CRACR2A: variants seen among roughly 807,000 people sequenced by gnomAD.
The protein encoded by CRACR2A is calcium release activated channel regulator 2A.
CRACR2A carries 79 observed loss-of-function variants against 90.5 expected under a neutral mutation model. That is an observed-to-expected ratio of 0.87 (90% CI 0.73 to 1.05). The LOEUF is 1.05. Ranked by LOEUF, CRACR2A falls within the 50% of genes least tolerant of loss-of-function variation. The probability of loss-of-function intolerance (pLI) is 0.00; values close to 1 mark genes in which losing one functional copy is unlikely to be tolerated. For synonymous variants in CRACR2A, 338 were observed against 356.7 expected (o/e 0.95, Z 0.59); for missense variants, 823 against 897.2 (o/e 0.92, Z 1.06).
intron 17 of CRACR2A, among the ~76,000 whole-genome samples, chr12:3,626,694 CA>C: frequency 6.6e-6 from 1 of 152,068 alleles, no homozygotes; most frequent in Non-Finnish European, 1.5e-5. Flanking sequence ...CGAGGCCTGG[CA>C]AAAAGCAATT....
intron 4 of CRACR2A, among the ~76,000 whole-genome samples, chr12:3,690,998 G>A (rs186305438): frequency 9.2e-5 from 14 of 151,990 alleles, no homozygotes; most frequent in Non-Finnish European, 1.9e-4. Flanking sequence ...TTTTCCATTC[G>A]CCTGCTAGAT....
intron 1 of CRACR2A, among the ~76,000 whole-genome samples, chr12:3,736,633 A>C (rs1455478864): frequency 6.6e-6 from 1 of 152,120 alleles, no homozygotes. Context: ...AAAAAAACTG[A>C]GGGCTGGAAT....
chr12:3,706,666 T>C (rs1057195018), intron 3 of CRACR2A, among the ~76,000 whole-genome samples: 1 of 152,182 alleles, frequency 6.6e-6, no homozygotes, highest in Non-Finnish European at 1.5e-5. Context: ...AGTGGCATGA[T>C]CTCAGCTCAC....
intron 13 of CRACR2A, among the ~76,000 whole-genome samples, chr12:3,640,154 T>C (rs1285597779): frequency 6.6e-6 from 1 of 152,244 alleles, no homozygotes; most frequent in African/African-American, 2.4e-5. Flanking sequence ...ACGGCATGAC[T>C]GAGTTCATTT....
chr12:3,673,163 G>C (rs945932266), intron 7 of CRACR2A, among the ~76,000 whole-genome samples: 8 of 152,206 alleles, frequency 5.3e-5, no homozygotes, highest in African/African-American at 1.9e-4. Flanking sequence ...GATAATAAAT[G>C]TGCAAAATGA....
intron 2 of CRACR2A, among the ~76,000 whole-genome samples, chr12:3,722,083 C>T (rs1946188702): frequency 6.6e-6 from 1 of 152,140 alleles, no homozygotes; most frequent in Non-Finnish European, 1.5e-5. Context: ...TACATGTCTA[C>T]CCCCATACAT....
chr12:3,629,774 C>A (rs1170667189), intron 15 of CRACR2A, among the ~76,000 whole-genome samples: 1 of 148,400 alleles, frequency 6.7e-6, no homozygotes, highest in Non-Finnish European at 1.5e-5. Context: ...TCTCTGCAGC[C>A]TCAGACAGGC....
At chr12:3,688,876 T>C (rs1383475684) in intron 4 of CRACR2A, among the ~76,000 whole-genome samples, 1 of 152,206 alleles carries the variant, frequency 6.6e-6, no homozygotes, top group South Asian at 2.1e-4. Context: ...GCAGTGTTTT[T>C]AGTTCTCCTT....
intron 4 of CRACR2A, among the ~76,000 whole-genome samples, chr12:3,685,755 G>A (rs185499461): frequency 6.6e-6 from 1 of 152,168 alleles, no homozygotes; most frequent in East Asian, 1.9e-4. Flanking sequence ...ATTGTTTTAC[G>A]GGTACAGAGT....
intron 2 of CRACR2A, among the ~76,000 whole-genome samples, chr12:3,714,173 G>A (rs936187693): frequency 1.2e-4 from 18 of 152,172 alleles, no homozygotes; most frequent in Non-Finnish European, 2.9e-5. Context: ...GTAACACAGC[G>A]CTCATGTTCA....
chr12:3,716,966 C>T (rs1206464506), intron 2 of CRACR2A, among the ~76,000 whole-genome samples: 1 of 152,052 alleles, frequency 6.6e-6, no homozygotes, highest in Non-Finnish European at 1.5e-5. Context: ...TTTTGGAAGA[C>T]GCTTTGTACA....
chr12:3,641,673 G>T, intron 13 of CRACR2A, 59 bp downstream of exon 13: 1 of 1,489,780 alleles, frequency 6.7e-7, no homozygotes. Flanking sequence ...TATGGGCCCA[G>T]AGCCAGCTCC....
At chr12:3,733,973 ATTTT>A (rs1166347439) in intron 1 of CRACR2A, among the ~76,000 whole-genome samples, 1 of 99,796 alleles carries the variant, frequency 1.0e-5, no homozygotes, top group South Asian at 3.6e-4. Context: ...ATTTTGCCTT[ATTTT>A]TTTTTTTTTT....
At chr12:3,650,442 T>C (rs1944774322) in intron 10 of CRACR2A, among the ~76,000 whole-genome samples, 1 of 152,172 alleles carries the variant, frequency 6.6e-6, no homozygotes, top group East Asian at 1.9e-4. Flanking sequence ...GAGATGCAAA[T>C]TCCTGACATT....
At position 3,749,334 on chromosome 12, in the gene CRACR2A, A is replaced by G. The variant is rs576885604; in HGVS notation, c.-387+3681T>C. On this transcript the variant is annotated intron_variant, in intron 1 of 19. Transcript: ENST00000440314. The stretch of plus-strand genomic sequence containing the variant: ...AGTGCCCGAGGTTGGATGATGTATT[A>G]TAAGAGTGACTCCCTTTGGCTTCTT... 2.6e-5 allele frequency among the ~76,000 whole-genome samples: 4 copies of G among 152,310 alleles called. No homozygotes were observed. The East Asian group carries it at 5.8e-4, about 22-fold the overall frequency.
At chr12:3,650,231 C>G (rs778890456) in intron 10 of CRACR2A, among the ~76,000 whole-genome samples, 2 of 152,172 alleles carry the variant, frequency 1.3e-5, no homozygotes, top group African/African-American at 2.4e-5. Flanking sequence ...ACTGAGCTGG[C>G]AAAAACTGCA....
intron 19 of CRACR2A, among the ~76,000 whole-genome samples, chr12:3,616,374 A>G (rs1867682066): frequency 6.6e-6 from 1 of 152,260 alleles, no homozygotes; most frequent in African/African-American, 2.4e-5. Context: ...CTTAAGTATC[A>G]GAAATGAGTC....
chr12:3,717,734 G>T (rs924115378), intron 2 of CRACR2A, among the ~76,000 whole-genome samples: 1 of 152,194 alleles, frequency 6.6e-6, no homozygotes, highest in African/African-American at 2.4e-5. Flanking sequence ...ATAAGAACAT[G>T]CCAGCAGTTA....
Position 3,633,720 on chromosome 12 carries a change from G to A in CRACR2A, c.1619C>T (p.Ser540Phe), listed in dbSNP as rs1212086842. ...EALCKEESSP[S>F]APDRLFKIVF... ...AATCTTGAAGAGCCGGTCAGGGGCAGAGGGAGAGCTTTCCTCCTGTGGATG... is the reference window on the plus strand; with the variant it reads ...AATCTTGAAGAGCCGGTCAGGGGCAAAGGGAGAGCTTTCCTCCTGTGGATG... Residue 540 changes from serine (S) to phenylalanine (F), a missense_variant, in exon 15 of 20, where the codon TCT becomes TTT. Physicochemically the swap from Ser to Phe is radical, Grantham distance 155. Transcript: ENST00000440314. This position sits in a 1 kb window ranked among gnomAD's most constrained non-coding sequence, Gnocchi z 4.5. The A allele has an allele frequency of 6.4e-7, 1 of 1,551,760 alleles. No individual in the cohort carries two copies. Among genetic ancestry groups the A allele is most frequent in the Admixed American group, 2.0e-5 (1 of 51,014 alleles).
Sources: gnomAD v4.1 joint callset for allele counts (sites outside exome capture counted in the v4.1 genomes callset) on GRCh38, gnomAD v4.1.1 for gene constraint, Gnocchi (gnomAD v3.1) non-coding constraint, MANE v1.5 for transcripts, NCBI Gene and HGNC (gene_info 2026-07-23, HGNC 2026-07-21) for gene names.